Variants in SDHB observed in about 807,000 individuals in gnomAD.
SDHB encodes succinate dehydrogenase complex iron sulfur subunit B, also known as succinate dehydrogenase [ubiquinone] iron-sulfur subunit, mitochondrial.
In SDHB, 21 loss-of-function variants were observed where a neutral mutation model predicts 39.7. The ratio of observed to expected loss-of-function variants is 0.53; its 90% CI spans 0.37 to 0.76. The LOEUF is 0.76. Ranked by LOEUF, SDHB falls within the 30% of genes least tolerant of loss-of-function variation. The pLI is 0.00. For missense variants in SDHB, 343 were observed against 350.9 expected, an observed-to-expected ratio of 0.98 and a Z score of 0.18; for synonymous variants, 118 against 117.0, an observed-to-expected ratio of 1.01 and a Z score of -0.06.
At chr1:17,046,574 G>A (rs1205849479) in intron 1 of SDHB, among the ~76,000 whole-genome samples, 1 of 152,072 alleles carries the variant, frequency 6.6e-6, no homozygotes, top group African/African-American at 2.4e-5. Flanking sequence ...TCACGAGTCT[G>A]CCTTTTACAG....
At chr1:17,027,185 T>C (rs1228097070) in intron 5 of SDHB, among the ~76,000 whole-genome samples, 2 of 152,156 alleles carry the variant, frequency 1.3e-5, no homozygotes, top group Admixed American at 6.5e-5. Flanking sequence ...GAAGAAAGAC[T>C]GAAAACTTGA....
chr1:17,022,781 G>C (rs764034093), intron 6 of SDHB, 51 bp from the exon 7 acceptor site: 1 of 1,588,840 alleles, frequency 6.3e-7, no homozygotes, highest in Non-Finnish European at 8.6e-7. Context: ...GGCCAGAGCG[G>C]CACCCTGGCT....
chr1:17,049,008 G>T (rs1433991537), intron 1 of SDHB, among the ~76,000 whole-genome samples: 4 of 151,878 alleles, frequency 2.6e-5, no homozygotes, highest in Non-Finnish European at 5.9e-5. Flanking sequence ...ACCTTGCCCG[G>T]CCTTTATTTT....
At chr1:17,046,822 A>G (rs6691029) in intron 1 of SDHB, among the ~76,000 whole-genome samples, 63,970 of 151,812 alleles carry the variant, frequency 0.42, 15,119 homozygotes, top group Non-Finnish European at 0.54. Flanking sequence ...GGTTCAAGCA[A>G]TTCTCCTGCC....
In SDHB at chr1:17,042,954, G is replaced by GTTTTTTTTTTTTTTT. The variant is rs143394198; in HGVS notation, c.200+1792_200+1806dup. ...AGCAGTAGGGTTTTTTGTTTTATGA[G>GTTTTTTTTTTTTTTT]TTTTTTTTTTTTTTTTTTTTTTTTT... On this transcript the variant is annotated intron_variant, in intron 2 of 7. Transcript: ENST00000375499. Among the ~76,000 whole-genome samples the GTTTTTTTTTTTTTTT allele has an allele frequency of 2.2e-4, 14 of 62,892 alleles. 2 individuals carry two copies. The highest frequency in any genetic ancestry group is 5.7e-4 in the Admixed American group (2 of 3,532). The allele number at this position is 62,892 out of a possible 152,430, so 41.3% of individuals were successfully genotyped here.
At chr1:17,049,791 G>A (rs1281250715) in intron 1 of SDHB, among the ~76,000 whole-genome samples, 2 of 150,966 alleles carry the variant, frequency 1.3e-5, no homozygotes, top group Non-Finnish European at 2.9e-5. Flanking sequence ...GATTACAGGC[G>A]CGTGTCACAC....
chr1:17,019,909 A>T (rs2746476), intron 7 of SDHB, among the ~76,000 whole-genome samples: 148,892 of 152,272 alleles, frequency 0.98, 72,802 homozygotes, highest in East Asian at 1. Context: ...ATTAAAAAAA[A>T]TTTTGTTTGT....
intron 4 of SDHB, among the ~76,000 whole-genome samples, chr1:17,028,357 T>C (rs1471233290): frequency 6.6e-6 from 1 of 152,226 alleles, no homozygotes. Flanking sequence ...CTTCTGCCAT[T>C]CAAATTCTTT....
chr1:17,051,809 G>A (rs887007773), intron 1 of SDHB, among the ~76,000 whole-genome samples: 3 of 151,722 alleles, frequency 2.0e-5, no homozygotes, highest in African/African-American at 7.3e-5. Context: ...TCCTAGCCCT[G>A]CCAGCCTAAG....
intron 2 of SDHB, among the ~76,000 whole-genome samples, chr1:17,041,854 T>C (rs999552636): frequency 2.6e-5 from 4 of 152,146 alleles, no homozygotes. Flanking sequence ...CTTTCTAGGC[T>C]TTCCCCCTCA....
rs557718852 is a variant in SDHB, at chr1:17,031,069, G to A, written c.286+1991C>T. ...CTCCCAAAGTACTGGGATCACAGGC[G>A]TGAGCCACTGCGCCCAGTCGGTTAT... On this transcript the variant is annotated intron_variant, in intron 3 of 7. Transcript: ENST00000375499. Among the ~76,000 whole-genome samples the A allele has an allele frequency of 4.6e-5, 7 of 151,338 alleles. No homozygotes were observed. The South Asian group carries it at 1.0e-3, about 23-fold the overall frequency.
At chr1:17,040,154 T>A (rs2078072679) in intron 2 of SDHB, among the ~76,000 whole-genome samples, 2 of 152,218 alleles carry the variant, frequency 1.3e-5, no homozygotes, top group South Asian at 4.1e-4. Flanking sequence ...TCTCTTGGCC[T>A]CTAGTTTCTG....
At chr1:17,045,199 T>C in intron 1 of SDHB, 1 of 362,642 alleles carries the variant, frequency 2.8e-6, no homozygotes, top group South Asian at 2.3e-5. Flanking sequence ...GCGATACTGT[T>C]GGGAAAGTAC....
intron 2 of SDHB, among the ~76,000 whole-genome samples, chr1:17,042,223 TC>T (rs1310448663): frequency 2.6e-5 from 4 of 152,200 alleles, no homozygotes; most frequent in Non-Finnish European, 5.9e-5. Flanking sequence ...TCCCGTTACT[TC>T]CCATACCAAC....
chr1:17,035,589 G>A (rs1462386090), intron 2 of SDHB, among the ~76,000 whole-genome samples: 3 of 152,202 alleles, frequency 2.0e-5, no homozygotes, highest in East Asian at 1.9e-4. Context: ...GGTGGCTCAC[G>A]CCTGTAATCC....
At chr1:17,031,588 G>A (rs376185257) in intron 3 of SDHB, among the ~76,000 whole-genome samples, 65 of 152,228 alleles carry the variant, frequency 4.3e-4, no homozygotes, top group African/African-American at 1.4e-3. Flanking sequence ...GGACTCAGCC[G>A]AACTATCATA....
intron 1 of SDHB, among the ~76,000 whole-genome samples, chr1:17,051,560 G>A (rs1454277040): frequency 2.0e-5 from 3 of 152,210 alleles, no homozygotes; most frequent in Non-Finnish European, 4.4e-5. Context: ...TGAAAAGTGT[G>A]ATTGGTGATG....
chr1:17,029,102 T>TG (rs2078008783), intron 3 of SDHB, among the ~76,000 whole-genome samples: 1 of 140,578 alleles, frequency 7.1e-6, no homozygotes, highest in Non-Finnish European at 1.5e-5. Context: ...TGTTTTTTTT[T>TG]TTTTTTTTTT....
At chr1:17,046,977 A>G (rs574396656) in intron 1 of SDHB, among the ~76,000 whole-genome samples, 1 of 152,306 alleles carries the variant, frequency 6.6e-6, no homozygotes, top group East Asian at 1.9e-4. Flanking sequence ...TTGGCCTCCC[A>G]AACTGCTAGG....
Sources: gnomAD v4.1 joint callset for allele counts (sites outside exome capture counted in the v4.1 genomes callset) on GRCh38, gnomAD v4.1.1 for gene constraint, MANE v1.5 for transcripts, NCBI Gene and HGNC (gene_info 2026-07-23, HGNC 2026-07-21) for gene names.